FRA10AC1: variants seen among roughly 807,000 people sequenced by gnomAD.
FRA10AC1 encodes protein FRA10AC1.
In FRA10AC1, 43 loss-of-function variants were observed where a neutral mutation model predicts 56.5. That is an observed-to-expected ratio of 0.76 (90% CI 0.60 to 0.98). The LOEUF (loss-of-function observed/expected upper bound fraction) is 0.98, where lower values mean the gene tolerates loss of function less well. Ranked by LOEUF, FRA10AC1 falls within the 50% of genes least tolerant of loss-of-function variation. The probability of loss-of-function intolerance (pLI) is 0.00; values close to 1 mark genes in which losing one functional copy is unlikely to be tolerated. For missense variants in FRA10AC1, 346 were observed against 351.8 expected (o/e 0.98, Z 0.13); for synonymous variants, 112 against 110.5 (o/e 1.01, Z -0.09).
rs2059145167 is a variant in FRA10AC1 at position 93,692,678 on chromosome 10, T to C, written c.348A>G (p.Leu116=). The change falls in exon 6 of 14, where the codon CTA becomes CTG. Residue 116 remains leucine (L), a synonymous_variant. Transcript: ENST00000359204. ...TGTCCATTTCGTCCTCCTCATTCCATAGGAATCTATGATTTTCTCGTATAA... is the reference window on the plus strand; with the variant it reads ...TGTCCATTTCGTCCTCCTCATTCCACAGGAATCTATGATTTTCTCGTATAA... ...LDVIRENHRF[L]WNEEDEMDMT... is the part of the protein sequence containing the mutation. The C allele has an allele frequency of 6.3e-7, 1 of 1,599,416 alleles. No homozygotes were observed. Among genetic ancestry groups the C allele is most frequent in the Non-Finnish European group, 8.5e-7 (1 of 1,173,726 alleles).
intron 4 of FRA10AC1, among the ~76,000 whole-genome samples, chr10:93,697,489 T>G (rs1318287915): frequency 2.0e-5 from 3 of 152,258 alleles, no homozygotes; most frequent in Non-Finnish European, 2.9e-5. Flanking sequence ...CTTCAGTTTT[T>G]GCTTGGTATC....
At chr10:93,690,616 GA>G (rs1191455850) in intron 7 of FRA10AC1, among the ~76,000 whole-genome samples, 2 of 151,166 alleles carry the variant, frequency 1.3e-5, no homozygotes, top group African/African-American at 4.9e-5. Context: ...AAAAATAAAT[GA>G]AAAAAAGAAA....
intron 11 of FRA10AC1, among the ~76,000 whole-genome samples, chr10:93,680,471 T>C (rs1298707647): frequency 2.0e-5 from 3 of 152,154 alleles, no homozygotes; most frequent in African/African-American, 7.2e-5. Flanking sequence ...TACTTGAAGC[T>C]ATGGGAGTAG....
chr10:93,683,544 T>C (rs2058971778), intron 10 of FRA10AC1, among the ~76,000 whole-genome samples: 1 of 151,976 alleles, frequency 6.6e-6, no homozygotes, highest in Non-Finnish European at 1.5e-5. Flanking sequence ...AGAGACAGGG[T>C]TTTACCATGT....
intron 11 of FRA10AC1, among the ~76,000 whole-genome samples, chr10:93,677,589 G>C (rs994157709): frequency 1.3e-5 from 2 of 152,200 alleles, no homozygotes; most frequent in East Asian, 1.9e-4. Flanking sequence ...TGTAGATTTT[G>C]GCTGAATGTT....
At chr10:93,678,225 G>A (rs1024825262) in intron 11 of FRA10AC1, among the ~76,000 whole-genome samples, 3 of 152,268 alleles carry the variant, frequency 2.0e-5, no homozygotes, top group East Asian at 3.9e-4. Context: ...AGGGGTGATG[G>A]TGAGACAGAT....
chr10:93,683,119 T>G (rs12766308), intron 10 of FRA10AC1, among the ~76,000 whole-genome samples: 1 of 152,012 alleles, frequency 6.6e-6, no homozygotes, highest in African/African-American at 2.4e-5. Context: ...TGGCAAGCAC[T>G]TTACATGCAC....
chr10:93,698,793 T>C (rs2059279621), intron 2 of FRA10AC1, among the ~76,000 whole-genome samples: 1 of 148,844 alleles, frequency 6.7e-6, no homozygotes, highest in Admixed American at 6.6e-5. Context: ...CAAGGCTGAT[T>C]ATAGAGAACA....
chr10:93,675,264 AT>A (rs2058822787), intron 12 of FRA10AC1: 2 of 152,188 alleles, frequency 1.3e-5, no homozygotes, highest in Admixed American at 1.3e-4. Flanking sequence ...AATATTTAAA[AT>A]TTCTTGTTAA....
At chr10:93,701,701 CAACTCCAGCTGTCTT>C (rs2059335357) in intron 1 of FRA10AC1, among the ~76,000 whole-genome samples, 2 of 152,100 alleles carry the variant, frequency 1.3e-5, no homozygotes, top group Non-Finnish European at 1.5e-5. Context: ...TTTTTTAGGT[CAACTCCAGCTGTCTT>C]ACCACATCTG....
At chr10:93,683,961 T>TCAACCAC in intron 10 of FRA10AC1, 95 bp downstream of exon 10, 1 of 827,830 alleles carries the variant, frequency 1.2e-6, no homozygotes, top group Middle Eastern at 2.4e-4. Context: ...AATTCAACCA[T>TCAACCAC]CAACCACCTA....
Position 93,669,643 on chromosome 10 carries a change from T to C in FRA10AC1, c.*183A>G. On this transcript the variant is annotated 3_prime_UTR_variant, in exon 14 of 14. Coordinates refer to ENST00000359204, the MANE Select transcript of FRA10AC1 (RefSeq NM_145246.5). ...AAGATATTTAAAGGACAGGAAAGTC[T>C]TTAATTGAACTAATGAACTTCCAAA... 1.7e-6 allele frequency: 1 copy of C among 577,290 alleles called. No homozygotes were observed. The highest frequency in any genetic ancestry group is 3.1e-6 in the Non-Finnish European group (1 of 323,848). 35.8% of individuals were successfully genotyped at this position (577,290 alleles called of 1,614,324 possible).
chr10:93,690,091 T>G (rs375929142), intron 7 of FRA10AC1, among the ~76,000 whole-genome samples: 2 of 152,272 alleles, frequency 1.3e-5, no homozygotes, highest in East Asian at 3.9e-4. Flanking sequence ...CTATATATAT[T>G]AGGAGCTGGT....
chr10:93,676,186 T>G (rs2133898621), intron 12 of FRA10AC1, among the ~76,000 whole-genome samples: 1 of 152,318 alleles, frequency 6.6e-6, no homozygotes, highest in South Asian at 2.1e-4. Context: ...TCTGACTTTT[T>G]TAACCTTAAA....
At chr10:93,676,242 G>A (rs1043674490) in intron 12 of FRA10AC1, among the ~76,000 whole-genome samples, 34 of 152,014 alleles carry the variant, frequency 2.2e-4, no homozygotes, top group African/African-American at 8.0e-4. Flanking sequence ...AATACTTTTT[G>A]GAATATTGCA....
chr10:93,698,032 A>G, intron 4 of FRA10AC1, 104 bp downstream of exon 4: 1 of 645,696 alleles, frequency 1.5e-6, no homozygotes, highest in Middle Eastern at 4.4e-4. Flanking sequence ...ACTTATCTTT[A>G]AAAATAAAAA....
chr10:93,679,625 A>G (rs1467889398), intron 11 of FRA10AC1, among the ~76,000 whole-genome samples: 1 of 152,170 alleles, frequency 6.6e-6, no homozygotes, highest in Non-Finnish European at 1.5e-5. Context: ...CAGAGTGGTA[A>G]GAAACAAGCC....
rs186782024 is a variant in FRA10AC1 at position 93,686,489 on chromosome 10, T to C, written c.511+915A>G. ...ATAAAAGTACATCTTAAAATTGTGA[T>C]AGACATTTCAGGATTTCTCATTATT... On this transcript the variant is annotated intron_variant, in intron 8 of 13. Transcript: ENST00000359204. Among the ~76,000 whole-genome samples the C allele has an allele frequency of 7.8e-4, 118 of 151,918 alleles. 1 individual carries two copies. The East Asian group carries it at 0.012, about 16-fold the overall frequency.
At chr10:93,688,498 T>C (rs1245639796) in intron 7 of FRA10AC1, among the ~76,000 whole-genome samples, 1 of 152,146 alleles carries the variant, frequency 6.6e-6, no homozygotes, top group African/African-American at 2.4e-5. Context: ...TAATGTAAGC[T>C]ATGGACTTCA....
Sources: allele counts gnomAD v4.1 joint callset (sites outside exome capture counted in the v4.1 genomes callset), GRCh38; gene constraint gnomAD v4.1.1; transcripts MANE v1.5; gene names NCBI Gene and HGNC (gene_info 2026-07-23, HGNC 2026-07-21).